The following MPHOSPH9 variants were observed in gnomAD, a reference collection of about 807,000 sequenced individuals.
MPHOSPH9 encodes M-phase phosphoprotein 9.
Under a neutral mutation model 145.5 loss-of-function variants are expected in MPHOSPH9, and 88 were observed. The ratio of observed to expected loss-of-function variants is 0.60; its 90% CI spans 0.51 to 0.72. MPHOSPH9 has a LOEUF of 0.72. Ranked by LOEUF, MPHOSPH9 falls within the 30% of genes least tolerant of loss-of-function variation. The pLI, the probability that MPHOSPH9 is intolerant of heterozygous loss-of-function variation, is 0.00. For synonymous variants in MPHOSPH9, 435 were observed against 486.2 expected, an observed-to-expected ratio of 0.89 and a Z score of 1.39; for missense variants, 1,238 against 1,386.6, an observed-to-expected ratio of 0.89 and a Z score of 1.70.
rs941211901 is a variant in MPHOSPH9 at position 123,176,710 on chromosome 12, G to T, written c.2434C>A (p.His812Asn). 5.0e-6 allele frequency: 8 copies of T among 1,613,644 alleles called. No individual in the cohort carries two copies. In the African/African-American group the frequency reaches 1.1e-4, roughly 22 times the overall value. The change falls in exon 16 of 24, where the codon CAC becomes AAC. Residue 812 changes from histidine to asparagine, a missense_variant. Coordinates refer to ENST00000606320, the MANE Select transcript of MPHOSPH9 (RefSeq NM_022782.4). The part of the protein sequence containing the change: ...MLSLRHNSRI[H>N]VRPSRANTLA... ...TACTTGGCACGCGAGGGTCTCACGT[G>T]AATTCTAGAATTATGACGAAGGCTT...
chr12:123,222,962 A>T, intron 4 of MPHOSPH9, 76 bp downstream of exon 4: 1 of 705,918 alleles, frequency 1.4e-6, no homozygotes, highest in Non-Finnish European at 2.1e-6. Flanking sequence ...GTATATATAT[A>T]TGTGTGTGTG....
chr12:123,229,680 CA>C (rs2047563975), intron 2 of MPHOSPH9, among the ~76,000 whole-genome samples: 1 of 152,002 alleles, frequency 6.6e-6, no homozygotes, highest in Non-Finnish European at 1.5e-5. Flanking sequence ...CAAAAACAAA[CA>C]AAAAAGTATA....
In MPHOSPH9 at chr12:123,154,871, T is replaced by C. The variant is rs1395628595; in HGVS notation, c.*1936A>G. 6.6e-6 allele frequency: 1 copy of C among 151,672 alleles called. No individual in the cohort carries two copies. Among genetic ancestry groups the C allele is most frequent in the East Asian group, 1.9e-4 (1 of 5,174 alleles). 9.4% of individuals were successfully genotyped at this position (151,672 alleles called of 1,614,324 possible). On this transcript the variant is annotated 3_prime_UTR_variant, in exon 24 of 24. Coordinates refer to ENST00000606320, the MANE Select transcript of MPHOSPH9 (RefSeq NM_022782.4). ...AACCAAGAATAAAGAATACCAAGAA[T>C]AGGCCGGGTGTGGTGGCTCATGCCT...
At chr12:123,172,500 T>C (rs1287161195) in intron 16 of MPHOSPH9, among the ~76,000 whole-genome samples, 1 of 152,026 alleles carries the variant, frequency 6.6e-6, no homozygotes, top group African/African-American at 2.4e-5. Context: ...ACCCAGCTAA[T>C]TTTTGTATTT....
At chr12:123,216,904 G>A (rs1253395017) in intron 6 of MPHOSPH9, among the ~76,000 whole-genome samples, 15 of 151,626 alleles carry the variant, frequency 9.9e-5, no homozygotes, top group East Asian at 7.8e-4. Flanking sequence ...CAGGAGAATC[G>A]CTTGAACCCA....
chr12:123,238,581 G>T (rs1371119005), intron 1 of MPHOSPH9, among the ~76,000 whole-genome samples: 1 of 151,902 alleles, frequency 6.6e-6, no homozygotes, highest in African/African-American at 2.4e-5. Context: ...GACCAGACTG[G>T]GCAACATGAT....
At chr12:123,216,004 A>G (rs1054323734) in intron 6 of MPHOSPH9, among the ~76,000 whole-genome samples, 7 of 152,068 alleles carry the variant, frequency 4.6e-5, no homozygotes, top group Non-Finnish European at 7.4e-5. Flanking sequence ...TTGGGAGGCC[A>G]AGGCGGGCAG....
chr12:123,193,051 G>A (rs1405314620), intron 13 of MPHOSPH9, among the ~76,000 whole-genome samples: 39 of 133,162 alleles, frequency 2.9e-4, no homozygotes, highest in Non-Finnish European at 4.7e-4. Flanking sequence ...CAGCCTGGGC[G>A]ACAGAGAGGG....
intron 7 of MPHOSPH9, among the ~76,000 whole-genome samples, chr12:123,213,737 G>C (rs2046841877): frequency 6.6e-6 from 1 of 152,174 alleles, no homozygotes; most frequent in African/African-American, 2.4e-5. Context: ...AGGTCAAAGA[G>C]GTAACAGGGC....
intron 7 of MPHOSPH9, among the ~76,000 whole-genome samples, chr12:123,213,238 G>C (rs1043449438): frequency 7.9e-5 from 12 of 152,106 alleles, no homozygotes; most frequent in African/African-American, 2.9e-4. Context: ...CTTTGTGTTA[G>C]ATAATTTTGC....
intron 5 of MPHOSPH9, among the ~76,000 whole-genome samples, chr12:123,220,714 C>T (rs73417342): frequency 6.6e-6 from 1 of 151,998 alleles, no homozygotes; most frequent in Non-Finnish European, 1.5e-5. Context: ...TATGATTGCA[C>T]CACGGCACAC....
chr12:123,177,321 G>A (rs2044921637), intron 15 of MPHOSPH9, among the ~76,000 whole-genome samples: 1 of 152,086 alleles, frequency 6.6e-6, no homozygotes, highest in Non-Finnish European at 1.5e-5. Context: ...ACCATCTGAT[G>A]TCAGGAGTTC....
chr12:123,221,314 A>G, intron 5 of MPHOSPH9, 58 bp downstream of exon 5: 1 of 1,334,904 alleles, frequency 7.5e-7, no homozygotes, highest in Non-Finnish European at 1.0e-6. Flanking sequence ...GTGCATTAAA[A>G]GGAACACTAG....
intron 6 of MPHOSPH9, among the ~76,000 whole-genome samples, chr12:123,215,342 A>G (rs980962843): frequency 1.3e-5 from 2 of 152,098 alleles, no homozygotes; most frequent in Non-Finnish European, 2.9e-5. Flanking sequence ...GTAATTTACA[A>G]AAGTTTATTT....
At chr12:123,223,923 TTTTA>T (rs944922927) in intron 3 of MPHOSPH9, among the ~76,000 whole-genome samples, 1 of 151,520 alleles carries the variant, frequency 6.6e-6, no homozygotes, top group Non-Finnish European at 1.5e-5. Flanking sequence ...AAGGATTAAG[TTTTA>T]TTTATTTATT....
chr12:123,237,450 G>A (rs921152937), upstream of MPHOSPH9, among the ~76,000 whole-genome samples: 6 of 152,090 alleles, frequency 3.9e-5, no homozygotes, highest in Non-Finnish European at 8.8e-5. Context: ...AAAAATGAAC[G>A]AGATGTTGGG....
intron 15 of MPHOSPH9, among the ~76,000 whole-genome samples, chr12:123,179,402 T>C (rs1418968089): frequency 2.0e-5 from 3 of 152,162 alleles, no homozygotes; most frequent in Non-Finnish European, 1.5e-5. Context: ...GGCGAAACCC[T>C]GTCTCTATCA....
intron 2 of MPHOSPH9, among the ~76,000 whole-genome samples, chr12:123,229,530 T>C (rs1373053131): frequency 6.6e-6 from 1 of 152,256 alleles, no homozygotes; most frequent in Non-Finnish European, 1.5e-5. Flanking sequence ...TTGTCTTAAC[T>C]TCCTAATACT....
At chr12:123,189,689 C>T (rs2138196339) in intron 13 of MPHOSPH9, among the ~76,000 whole-genome samples, 1 of 152,244 alleles carries the variant, frequency 6.6e-6, no homozygotes, top group East Asian at 1.9e-4. Flanking sequence ...AATCCCAGCA[C>T]TTTGGGAGGC....
Sources: gnomAD v4.1 joint callset for allele counts (sites outside exome capture counted in the v4.1 genomes callset) on GRCh38, gnomAD v4.1.1 for gene constraint, MANE v1.5 for transcripts, NCBI Gene and HGNC (gene_info 2026-07-23, HGNC 2026-07-21) for gene names.